Variants in ADRA1B observed in about 807,000 individuals in gnomAD.
ADRA1B encodes the protein adrenoceptor alpha 1B, also known as alpha-1B adrenergic receptor.
ADRA1B carries 17 observed loss-of-function variants against 17.9 expected under a neutral mutation model. The ratio of observed to expected loss-of-function variants is 0.95; its 90% CI spans 0.65 to 1.42. The LOEUF is 1.42. ADRA1B is among the 40% of genes most tolerant of loss of function. The pLI is 0.00. For synonymous variants in ADRA1B, 366 were observed against 327.6 expected (o/e 1.12, Z -1.27); for missense variants, 681 against 722.1 (o/e 0.94, Z 0.65).
intron 1 of ADRA1B, among the ~76,000 whole-genome samples, chr5:159,935,421 T>A (rs1291536196): frequency 2.0e-5 from 3 of 152,186 alleles, no homozygotes; most frequent in Non-Finnish European, 4.4e-5. Context: ...TTGCTATACA[T>A]CTTCTTTTAA....
chr5:159,919,093 C>T (rs1395841881), intron 1 of ADRA1B, among the ~76,000 whole-genome samples: 2 of 152,048 alleles, frequency 1.3e-5, no homozygotes, highest in African/African-American at 4.8e-5. Flanking sequence ...AAACAGATAT[C>T]GAGTTTCCAT....
intron 1 of ADRA1B, among the ~76,000 whole-genome samples, chr5:159,878,187 G>C (rs73311414): frequency 6.6e-6 from 1 of 152,112 alleles, no homozygotes; most frequent in Non-Finnish European, 1.5e-5. Context: ...TGAATCAGTC[G>C]GGTCCAGAGA....
intron 1 of ADRA1B, among the ~76,000 whole-genome samples, chr5:159,892,528 C>G (rs1045614608): frequency 2.0e-5 from 3 of 152,230 alleles, no homozygotes; most frequent in South Asian, 4.2e-4. Context: ...TGTTACCCAC[C>G]ACGTGTCCAT....
the ADRA1B span, among the ~76,000 whole-genome samples, chr5:159,983,078 C>T: frequency 2.0e-5 from 3 of 152,274 alleles, no homozygotes; most frequent in South Asian, 6.2e-4. Flanking sequence ...TGAGGACGCA[C>T]CTGCTGCAGA....
chr5:159,874,523 G>A (rs1561579887), intron 1 of ADRA1B, among the ~76,000 whole-genome samples: 1 of 150,602 alleles, frequency 6.6e-6, no homozygotes, highest in Non-Finnish European at 1.5e-5. Flanking sequence ...CCTGAAGCTG[G>A]TGGTGACTCA....
chr5:159,987,931 C>G, the ADRA1B span, among the ~76,000 whole-genome samples: 8 of 152,154 alleles, frequency 5.3e-5, no homozygotes, highest in African/African-American at 1.4e-4. Flanking sequence ...AATGCCCCCC[C>G]TCGGCCGGCC....
At chr5:159,911,424 C>T (rs1581027637) in intron 1 of ADRA1B, among the ~76,000 whole-genome samples, 1 of 152,158 alleles carries the variant, frequency 6.6e-6, no homozygotes, top group African/African-American at 2.4e-5. Flanking sequence ...CACACCCCAG[C>T]CCCCGCCTCA....
intron 1 of ADRA1B, among the ~76,000 whole-genome samples, chr5:159,910,164 C>T (rs527278857): frequency 2.8e-4 from 42 of 152,296 alleles, no homozygotes; most frequent in African/African-American, 7.9e-4. Context: ...AGTGTTTTTA[C>T]GAGCCAGCTC....
intron 1 of ADRA1B, among the ~76,000 whole-genome samples, chr5:159,947,380 A>T (rs922976190): frequency 3.9e-5 from 6 of 152,076 alleles, no homozygotes; most frequent in Admixed American, 3.9e-4. Context: ...TGGCTCAGAA[A>T]GGTAAAATAA....
chr5:159,883,374 G>A (rs767719629), intron 1 of ADRA1B, among the ~76,000 whole-genome samples: 1 of 152,196 alleles, frequency 6.6e-6, no homozygotes, highest in African/African-American at 2.4e-5. Flanking sequence ...TTGAAACAGA[G>A]GGCAAGATGC....
At chr5:159,868,931 G>A (rs190287184) in intron 1 of ADRA1B, 25 of 152,270 alleles carry the variant, frequency 1.6e-4, no homozygotes, top group Admixed American at 3.9e-4. Context: ...AGTTTTAAAA[G>A]GAAACTTAAC....
chr5:159,929,162 T>C (rs1419103870), intron 1 of ADRA1B: 1 of 152,114 alleles, frequency 6.6e-6, no homozygotes, highest in Non-Finnish European at 1.5e-5. Flanking sequence ...TATATTGAAA[T>C]ACAGTTATAA....
At chr5:159,880,041 G>C (rs1021579758) in intron 1 of ADRA1B, among the ~76,000 whole-genome samples, 1 of 152,096 alleles carries the variant, frequency 6.6e-6, no homozygotes, top group Non-Finnish European at 1.5e-5. Flanking sequence ...AAAAAGTAAA[G>C]GGTAGAGAAG....
chr5:159,900,861 A>G (rs1372882460), intron 1 of ADRA1B, among the ~76,000 whole-genome samples: 1 of 152,212 alleles, frequency 6.6e-6, no homozygotes, highest in African/African-American at 2.4e-5. Context: ...GCTTCTGAAA[A>G]TTACATCTGC....
At chr5:159,979,491 G>A in the ADRA1B span, among the ~76,000 whole-genome samples, 1 of 152,178 alleles carries the variant, frequency 6.6e-6, no homozygotes, top group Non-Finnish European at 1.5e-5. Flanking sequence ...TACCAATAAA[G>A]GGCTTTGGGA....
chr5:159,915,376 G>T (rs926478432), upstream of ADRA1B, among the ~76,000 whole-genome samples: 4 of 152,152 alleles, frequency 2.6e-5, no homozygotes, highest in Non-Finnish European at 5.9e-5. Context: ...AATGCAAAAA[G>T]AACTCAGCAC....
At chr5:159,905,351 A>G (rs1414500184) in intron 1 of ADRA1B, among the ~76,000 whole-genome samples, 1 of 152,258 alleles carries the variant, frequency 6.6e-6, no homozygotes, top group African/African-American at 2.4e-5. Flanking sequence ...GCAGGAATGC[A>G]ATGGGCATTT....
chr5:159,885,169 G>A (rs1296702100), intron 1 of ADRA1B, among the ~76,000 whole-genome samples: 2 of 152,162 alleles, frequency 1.3e-5, no homozygotes, highest in African/African-American at 2.4e-5. Flanking sequence ...GACTGGGAGA[G>A]CAAGCAGTCC....
In ADRA1B at chr5:159,886,776, G is replaced by A. The variant is rs114141002; in HGVS notation, c.-256+21570G>A. ...CATGGTCTTATAATTAAGCAGATAC[G>A]GATCTGACTCTCAGTTCAGTTACTC... On this transcript the variant is annotated intron_variant, in intron 1 of 2. Transcript: ENST00000641205. Among the ~76,000 whole-genome samples the A allele has an allele frequency of 5.5e-3, 844 of 152,108 alleles. 6 individuals carry two copies. Among genetic ancestry groups the A allele is most frequent in the African/African-American group, 0.019 (794 of 41,494 alleles).
Sources: allele counts gnomAD v4.1 joint callset (sites outside exome capture counted in the v4.1 genomes callset), GRCh38; gene constraint gnomAD v4.1.1; transcripts MANE v1.5; gene names NCBI Gene and HGNC (gene_info 2026-07-23, HGNC 2026-07-21).